The following TNR variants were observed in gnomAD, a reference collection of about 807,000 sequenced individuals.
The protein encoded by TNR is tenascin-R.
A neutral mutation model predicts 150.4 loss-of-function variants in TNR; 45 were observed. That is an observed-to-expected ratio of 0.30 (90% confidence interval 0.24 to 0.38). The LOEUF (loss-of-function observed/expected upper bound fraction) is 0.38. TNR is among the 10% of genes least tolerant of loss of function. The pLI is 1.00. For missense variants in TNR, 1,544 were observed against 1,759.1 expected (o/e 0.88, Z 2.19); for synonymous variants, 687 against 678.4 (o/e 1.01, Z -0.20).
chr1:175,417,320 AGTT>A (rs1375547137), intron 2 of TNR, among the ~76,000 whole-genome samples: 4 of 151,796 alleles, frequency 2.6e-5, no homozygotes, highest in African/African-American at 9.7e-5. Context: ...GGTGGAGAGG[AGTT>A]GTGGGCAGTG....
intron 1 of TNR, among the ~76,000 whole-genome samples, chr1:175,627,889 A>T (rs16848867): frequency 0.26 from 40,117 of 152,110 alleles, 6,024 homozygotes; most frequent in East Asian, 0.5. Context: ...CATAATAGCC[A>T]CTGAGAGTAA....
At chr1:175,377,246 A>G (rs536682735) in intron 9 of TNR, among the ~76,000 whole-genome samples, 91 of 152,296 alleles carry the variant, frequency 6.0e-4, no homozygotes, top group African/African-American at 2.1e-3. Flanking sequence ...AATAAGAGAG[A>G]TGATCAGTGA....
At chr1:175,591,577 G>C (rs1303795429) in intron 1 of TNR, among the ~76,000 whole-genome samples, 1 of 152,202 alleles carries the variant, frequency 6.6e-6, no homozygotes, top group Non-Finnish European at 1.5e-5. Flanking sequence ...GGACAGTGTG[G>C]GGTGGTGACA....
intron 1 of TNR, among the ~76,000 whole-genome samples, chr1:175,531,003 C>A (rs1021334686): frequency 6.6e-6 from 1 of 152,220 alleles, no homozygotes; most frequent in South Asian, 2.1e-4. Context: ...GCAAGAAGCT[C>A]CTGTCTTTGA....
At chr1:175,619,455 A>G (rs1663890722) in intron 1 of TNR, among the ~76,000 whole-genome samples, 1 of 152,186 alleles carries the variant, frequency 6.6e-6, no homozygotes, top group African/African-American at 2.4e-5. Flanking sequence ...GAAAAGTCAC[A>G]CAGATAACCC....
At chr1:175,577,209 G>T (rs573223638) in intron 1 of TNR, among the ~76,000 whole-genome samples, 19 of 152,258 alleles carry the variant, frequency 1.2e-4, no homozygotes, top group Admixed American at 1.2e-3. Context: ...GACAATAGGG[G>T]CCCAGGGAAG....
chr1:175,315,546 G>A lies in TNR; in HGVS notation c.*7811C>T, dbSNP rs926043096. 1.3e-5 allele frequency: 2 copies of A among 152,018 alleles called. No individual in the cohort carries two copies. Among genetic ancestry groups the A allele is most frequent in the African/African-American group, 2.4e-5 (1 of 41,384 alleles). 9.4% of individuals were successfully genotyped at this position (152,018 alleles called of 1,614,324 possible). A position where few individuals can be genotyped will look rare whatever the true frequency, so the allele number is the denominator to read the frequency against. ...GTCTTTGTTATTTTTACCTGAAAAGGCTGTTAAAGGTTAAAATGACAAACT... is the reference window on the plus strand; with the variant it reads ...GTCTTTGTTATTTTTACCTGAAAAGACTGTTAAAGGTTAAAATGACAAACT... On this transcript the variant is annotated 3_prime_UTR_variant, in exon 23 of 23. Transcript: ENST00000367674.
At chr1:175,647,978 T>A (rs1399581028) in intron 1 of TNR, among the ~76,000 whole-genome samples, 1 of 152,140 alleles carries the variant, frequency 6.6e-6, no homozygotes, top group Non-Finnish European at 1.5e-5. Flanking sequence ...CCCATTAGCG[T>A]GCCCTTCCCA....
intron 1 of TNR, among the ~76,000 whole-genome samples, chr1:175,533,590 A>G (rs1368474883): frequency 2.6e-5 from 4 of 152,236 alleles, no homozygotes; most frequent in African/African-American, 9.6e-5. Context: ...GTTCTTTCAT[A>G]TCTTAATTAG....
intron 18 of TNR, among the ~76,000 whole-genome samples, chr1:175,351,748 G>C (rs1651061278): frequency 6.6e-6 from 1 of 152,122 alleles, no homozygotes; most frequent in Admixed American, 6.6e-5. Flanking sequence ...ATTTAAATTT[G>C]AGCTTTCCAG....
intron 7 of TNR, among the ~76,000 whole-genome samples, chr1:175,387,383 A>G (rs1652986165): frequency 6.6e-6 from 1 of 152,198 alleles, no homozygotes; most frequent in African/African-American, 2.4e-5. Context: ...TGGTTCTCTA[A>G]TTAGCCTGTG....
intron 1 of TNR, among the ~76,000 whole-genome samples, chr1:175,650,899 TCTCCCACCTCATTACTACC>T: frequency 1.7e-4 from 1 of 5,914 alleles, no homozygotes; most frequent in African/African-American, 9.5e-4. Context: ...TTACTACCCC[TCTCCCACCTCATTACTACC>T]CCTCCCCACC....
At chr1:175,568,505 T>C (rs906905959) in intron 1 of TNR, among the ~76,000 whole-genome samples, 1 of 152,192 alleles carries the variant, frequency 6.6e-6, no homozygotes, top group Non-Finnish European at 1.5e-5. Flanking sequence ...TCTGTCTCCC[T>C]CCATCCATCA....
chr1:175,625,971 G>A (rs1380022277), intron 1 of TNR, among the ~76,000 whole-genome samples: 1 of 152,160 alleles, frequency 6.6e-6, no homozygotes, highest in Non-Finnish European at 1.5e-5. Flanking sequence ...GGGACCCGGG[G>A]GGGAGGTAAT....
chr1:175,605,606 A>G (rs1663381333), intron 1 of TNR, among the ~76,000 whole-genome samples: 1 of 152,264 alleles, frequency 6.6e-6, no homozygotes, highest in Admixed American at 6.5e-5. Flanking sequence ...AAGCACAGGT[A>G]GGGCCACAGG....
At chr1:175,580,853 A>C (rs886654611) in intron 1 of TNR, among the ~76,000 whole-genome samples, 1 of 152,116 alleles carries the variant, frequency 6.6e-6, no homozygotes, top group African/African-American at 2.4e-5. Flanking sequence ...AAAAATTCTC[A>C]ATATTGTCTT....
At chr1:175,509,487 T>C (rs1430451315) in intron 2 of TNR, among the ~76,000 whole-genome samples, 2 of 152,210 alleles carry the variant, frequency 1.3e-5, no homozygotes, top group Non-Finnish European at 2.9e-5. Flanking sequence ...CTCCTTTTCA[T>C]TATTTCACAG....
intron 2 of TNR, among the ~76,000 whole-genome samples, chr1:175,407,768 A>G (rs1654026722): frequency 6.6e-6 from 1 of 152,182 alleles, no homozygotes; most frequent in African/African-American, 2.4e-5. Flanking sequence ...GGACAACCTT[A>G]TGATGGGTCA....
At position 175,379,040 on chromosome 1, in the gene TNR, G is replaced by A. The variant is rs183080743; in HGVS notation, c.1963+512C>T. 6.4e-3 allele frequency among the ~76,000 whole-genome samples: 974 copies of A among 152,164 alleles called. 5 individuals are homozygous for A. Among genetic ancestry groups the A allele is most frequent in the Non-Finnish European group, 8.8e-3 (596 of 67,986 alleles). The stretch of plus-strand genomic sequence containing the variant: ...ACTAAAAACACAAAATTAGCCGGGC[G>A]TGGTGGCAGATGCCTGTAATCCTAG... On this transcript the variant is annotated intron_variant, in intron 9 of 22. Transcript: ENST00000367674.
Sources: gnomAD v4.1 joint callset for allele counts (sites outside exome capture counted in the v4.1 genomes callset) on GRCh38, gnomAD v4.1.1 for gene constraint, MANE v1.5 for transcripts, NCBI Gene and HGNC (gene_info 2026-07-23, HGNC 2026-07-21) for gene names.